The following KHDRBS2 variants were observed in gnomAD, a reference collection of about 807,000 sequenced individuals.
The protein encoded by KHDRBS2 is KH RNA binding domain containing, signal transduction associated 2, also known as KH domain-containing, RNA-binding, signal transduction-associated protein 2.
In KHDRBS2, 26 loss-of-function variants were observed where a neutral mutation model predicts 44.3. The ratio of observed to expected loss-of-function variants is 0.59; its 90% CI spans 0.43 to 0.81. The LOEUF (loss-of-function observed/expected upper bound fraction) is 0.81. Ranked by LOEUF, KHDRBS2 falls within the 40% of genes least tolerant of loss-of-function variation. KHDRBS2 has a pLI of 0.00. For missense variants in KHDRBS2, 476 were observed against 433.1 expected, an observed-to-expected ratio of 1.10 and a Z score of -0.88; for synonymous variants, 194 against 151.1, an observed-to-expected ratio of 1.28 and a Z score of -2.08.
chr6:61,946,812 C>T (rs542302617), intron 4 of KHDRBS2, among the ~76,000 whole-genome samples: 1 of 152,112 alleles, frequency 6.6e-6, no homozygotes. Context: ...AGAACAAATG[C>T]ATGAAATATC....
intron 7 of KHDRBS2, among the ~76,000 whole-genome samples, chr6:61,705,698 C>A (rs1262222376): frequency 6.6e-6 from 1 of 151,748 alleles, no homozygotes; most frequent in Non-Finnish European, 1.5e-5. Flanking sequence ...GAGCTCCTCT[C>A]TACATTTAAC....
intron 2 of KHDRBS2, among the ~76,000 whole-genome samples, chr6:62,150,676 T>C (rs1814963972): frequency 6.6e-6 from 1 of 152,104 alleles, no homozygotes; most frequent in African/African-American, 2.4e-5. Context: ...AAATGAAAAA[T>C]GCCGATTCCT....
intron 1 of KHDRBS2, among the ~76,000 whole-genome samples, chr6:62,218,387 T>C (rs1830366858): frequency 6.6e-6 from 1 of 151,710 alleles, no homozygotes; most frequent in Admixed American, 6.6e-5. Context: ...TTAATAACAA[T>C]CTGCAGCACA....
At chr6:61,685,190 T>A (rs967689097) in intron 8 of KHDRBS2, among the ~76,000 whole-genome samples, 2 of 151,760 alleles carry the variant, frequency 1.3e-5, no homozygotes, top group African/African-American at 4.8e-5. Context: ...AAAGAAGAGA[T>A]TTTCTGAGCA....
chr6:61,899,443 T>C (rs1321483227), intron 5 of KHDRBS2, among the ~76,000 whole-genome samples: 1 of 151,954 alleles, frequency 6.6e-6, no homozygotes, highest in African/African-American at 2.4e-5. Context: ...TTTCTTTTTA[T>C]GTATATAGTA....
chr6:62,187,499 C>T (rs1359580900), intron 1 of KHDRBS2, among the ~76,000 whole-genome samples: 1 of 152,020 alleles, frequency 6.6e-6, no homozygotes, highest in Non-Finnish European at 1.5e-5. Context: ...TAATGTAATT[C>T]AGAAAGATAT....
At position 61,956,904 on chromosome 6, in the gene KHDRBS2, TTCATCATCATCA is replaced by T. The variant is rs113300633; in HGVS notation, c.483+21150_483+21161del. 2.3e-3 allele frequency among the ~76,000 whole-genome samples: 336 copies of T among 148,420 alleles called. 2 individuals carry two copies. Among genetic ancestry groups the T allele is most frequent in the African/African-American group, 8.1e-3 (324 of 40,062 alleles). On this transcript the variant is annotated intron_variant, in intron 4 of 8. Coordinates refer to ENST00000281156, the MANE Select transcript of KHDRBS2 (RefSeq NM_152688.4). ...AGCAAACATTCCATAGTTATTGGTTTTCATCATCATCATCATCATCATCATCATCATCATCAT... is the reference window on the plus strand; with the variant it reads ...AGCAAACATTCCATAGTTATTGGTTTTCATCATCATCATCATCATCATCAT...
chr6:61,562,584 C>T, the KHDRBS2 span, among the ~76,000 whole-genome samples: 3 of 152,086 alleles, frequency 2.0e-5, no homozygotes, highest in African/African-American at 7.2e-5. Flanking sequence ...ACCAGATAGG[C>T]CTTTTGTCAG....
intron 2 of KHDRBS2, among the ~76,000 whole-genome samples, chr6:62,108,816 AATC>A (rs1435076364): frequency 2.0e-5 from 3 of 152,160 alleles, no homozygotes; most frequent in Non-Finnish European, 4.4e-5. Context: ...TGAAATTAGA[AATC>A]ATCAGTCTCA....
chr6:61,933,927 AG>A (rs888644265), intron 4 of KHDRBS2, among the ~76,000 whole-genome samples: 1 of 152,158 alleles, frequency 6.6e-6, no homozygotes, highest in Non-Finnish European at 1.5e-5. Context: ...ACAGTGTATA[AG>A]GGTTCCATTT....
At chr6:62,162,901 G>C (rs1323908472) in intron 2 of KHDRBS2, among the ~76,000 whole-genome samples, 3 of 152,058 alleles carry the variant, frequency 2.0e-5, no homozygotes, top group Non-Finnish European at 4.4e-5. Context: ...AGACAGTGTA[G>C]ATGACAGGTA....
intron 7 of KHDRBS2, among the ~76,000 whole-genome samples, chr6:61,703,151 A>G (rs1276633279): frequency 6.6e-6 from 1 of 151,896 alleles, no homozygotes; most frequent in Admixed American, 6.6e-5. Flanking sequence ...TATAAAATCC[A>G]TTTGTCTACA....
intron 6 of KHDRBS2, among the ~76,000 whole-genome samples, chr6:61,798,638 A>G (rs1428138604): frequency 6.6e-6 from 1 of 152,068 alleles, no homozygotes; most frequent in Non-Finnish European, 1.5e-5. Flanking sequence ...CAATCATCAT[A>G]AATGCAAATA....
intron 2 of KHDRBS2, among the ~76,000 whole-genome samples, chr6:62,111,978 A>G (rs1805104935): frequency 6.6e-6 from 1 of 152,132 alleles, no homozygotes; most frequent in Middle Eastern, 3.2e-3. Context: ...TTGGATTTCT[A>G]AGTTTCCTGG....
intron 4 of KHDRBS2, among the ~76,000 whole-genome samples, chr6:61,943,928 G>C (rs1812667827): frequency 1.3e-5 from 2 of 152,108 alleles, no homozygotes; most frequent in African/African-American, 2.4e-5. Context: ...GTAGACATCA[G>C]GGAAATGCAA....
At chr6:62,072,850 C>T (rs577894318) in intron 2 of KHDRBS2, among the ~76,000 whole-genome samples, 28 of 152,190 alleles carry the variant, frequency 1.8e-4, no homozygotes, top group African/African-American at 6.0e-4. Context: ...ATGATGCTGG[C>T]CTCATAAAAT....
the KHDRBS2 span, among the ~76,000 whole-genome samples, chr6:61,580,633 G>A: frequency 0.59 from 89,477 of 151,542 alleles, 26,595 homozygotes; most frequent in Non-Finnish European, 0.61. Flanking sequence ...GAACCCACTG[G>A]GACAAACAAA....
chr6:62,257,650 T>G (rs573006404), intron 1 of KHDRBS2, among the ~76,000 whole-genome samples: 9 of 152,200 alleles, frequency 5.9e-5, no homozygotes, highest in East Asian at 1.9e-4. Context: ...CTATTTCCCC[T>G]GCTCAATGAG....
intron 6 of KHDRBS2, among the ~76,000 whole-genome samples, chr6:61,836,456 C>T (rs1792689170): frequency 6.6e-6 from 1 of 151,946 alleles, no homozygotes; most frequent in Non-Finnish European, 1.5e-5. Flanking sequence ...CTGTTTTTAA[C>T]TTTATGAAAT....
Sources: gnomAD v4.1 joint callset for allele counts (sites outside exome capture counted in the v4.1 genomes callset) on GRCh38, gnomAD v4.1.1 for gene constraint, MANE v1.5 for transcripts, NCBI Gene and HGNC (gene_info 2026-07-23, HGNC 2026-07-21) for gene names.